Variants in ADA observed in about 807,000 individuals in gnomAD.
The protein encoded by ADA is adenosine deaminase, also known as adenosine aminohydrolase.
In ADA, 45 loss-of-function variants were observed where a neutral mutation model predicts 49.0. The ratio of observed to expected loss-of-function variants is 0.92; its 90% CI spans 0.72 to 1.18. ADA has a LOEUF of 1.18. Among genes scored for constraint, ADA ranks in the 50% most tolerant of loss-of-function variants. The pLI, the probability that ADA is intolerant of heterozygous loss-of-function variation, is 0.00. For synonymous variants in ADA, 173 were observed against 184.2 expected (o/e 0.94, Z 0.49); for missense variants, 445 against 472.5 (o/e 0.94, Z 0.54).
At chr20:44,643,039 A>G (rs1359619673) in intron 1 of ADA, among the ~76,000 whole-genome samples, 2 of 152,170 alleles carry the variant, frequency 1.3e-5, no homozygotes, top group African/African-American at 4.8e-5. Context: ...AGGTGGCTCA[A>G]GCTCAGGCAG....
chr20:44,626,087 A>G (rs2065379826), intron 4 of ADA, among the ~76,000 whole-genome samples: 1 of 152,164 alleles, frequency 6.6e-6, no homozygotes, highest in South Asian at 2.1e-4. Context: ...GGCCAGACTC[A>G]CTTCAGTTAT....
chr20:44,645,849 C>T (rs1045266887), intron 1 of ADA, among the ~76,000 whole-genome samples: 2 of 152,168 alleles, frequency 1.3e-5, no homozygotes, highest in Non-Finnish European at 1.5e-5. Context: ...GAGAGCCTGA[C>T]CCCAGCTGGT....
chr20:44,625,117 C>T (rs2065369731), intron 5 of ADA, among the ~76,000 whole-genome samples: 1 of 152,208 alleles, frequency 6.6e-6, no homozygotes, highest in South Asian at 2.1e-4. Flanking sequence ...TGCCCAATAT[C>T]ACACAGTGAG....
At chr20:44,629,768 C>T (rs2065416795) in intron 2 of ADA, among the ~76,000 whole-genome samples, 2 of 152,204 alleles carry the variant, frequency 1.3e-5, no homozygotes, top group South Asian at 2.1e-4. Flanking sequence ...CCTCCCTGCC[C>T]ACAGCCGCCA....
chr20:44,620,894 G>T, intron 10 of ADA, 124 bp downstream of exon 10: 1 of 1,347,696 alleles, frequency 7.4e-7, no homozygotes, highest in Non-Finnish European at 1.1e-6. Context: ...TCTAGGTTGG[G>T]CTTGTCTTGG....
At position 44,626,615 on chromosome 20, in the gene ADA, A is replaced by C; in HGVS notation, c.219-16T>G. ...CCGGCAGCCCCTGGGAAGGGAAGAA[A>C]GGGGTTGGGAACAACCTTCCCCAAG... On this transcript the variant is annotated splice_polypyrimidine_tract_variant and intron_variant, in intron 3 of 11. Coordinates refer to ENST00000372874, the MANE Select transcript of ADA (RefSeq NM_000022.4). 3 of 1,613,760 alleles carry C rather than the reference A, an allele frequency of 1.9e-6. No individual in the cohort carries two copies. Among genetic ancestry groups the C allele is most frequent in the Middle Eastern group, 3.4e-4 (2 of 5,922 alleles).
intron 1 of ADA, among the ~76,000 whole-genome samples, chr20:44,636,646 A>G (rs987796635): frequency 1.3e-5 from 2 of 152,154 alleles, no homozygotes; most frequent in Non-Finnish European, 2.9e-5. Flanking sequence ...GCAGAGGCGG[A>G]ATTCTAACCC....
intron 1 of ADA, among the ~76,000 whole-genome samples, chr20:44,645,378 A>T (rs1016742351): frequency 6.7e-6 from 1 of 148,980 alleles, no homozygotes; most frequent in Non-Finnish European, 1.5e-5. Context: ...AAAAAAAAAA[A>T]GTCACTGAAG....
At chr20:44,647,961 G>A (rs961882255) in intron 1 of ADA, among the ~76,000 whole-genome samples, 1 of 151,964 alleles carries the variant, frequency 6.6e-6, no homozygotes, top group African/African-American at 2.4e-5. Context: ...CAGGAGGATC[G>A]CATGAACCCA....
At chr20:44,635,005 C>T (rs1348774688) in intron 2 of ADA, among the ~76,000 whole-genome samples, 2 of 152,248 alleles carry the variant, frequency 1.3e-5, no homozygotes, top group African/African-American at 2.4e-5. Flanking sequence ...CAAGGAGCCC[C>T]TAGCTCCTAG....
At chr20:44,626,337 T>A in intron 4 of ADA, 119 bp downstream of exon 4, 1 of 1,432,542 alleles carries the variant, frequency 7.0e-7, no homozygotes, top group Non-Finnish European at 9.7e-7. Flanking sequence ...TGGACCAGAC[T>A]GGGGGCAAGA....
intron 10 of ADA, 55 bp from the exon 11 acceptor site, chr20:44,620,456 C>G (rs1287583871): frequency 1.4e-6 from 2 of 1,445,242 alleles, no homozygotes; most frequent in East Asian, 2.3e-5. Flanking sequence ...GAAGGCAGCT[C>G]TTAGCAATGT....
chr20:44,651,231 G>A (rs975497433), intron 1 of ADA, among the ~76,000 whole-genome samples: 3 of 152,180 alleles, frequency 2.0e-5, no homozygotes, highest in African/African-American at 4.8e-5. Context: ...GTAGACATCG[G>A]GCCTGATCAT....
chr20:44,639,795 C>T (rs897047068), intron 1 of ADA, among the ~76,000 whole-genome samples: 14 of 152,176 alleles, frequency 9.2e-5, no homozygotes, highest in African/African-American at 3.1e-4. Flanking sequence ...CTGAGAAGCC[C>T]AAGCTGGGAA....
At position 44,629,254 on chromosome 20, in the gene ADA, C is replaced by A. The variant is rs926342113; in HGVS notation, c.96-85G>T. The A allele has an allele frequency of 7.5e-6, 12 of 1,590,384 alleles. No individual in the cohort carries two copies. The African/African-American group carries it at 1.2e-4, about 16-fold the overall frequency. On this transcript the variant is annotated intron_variant, in intron 2 of 11. Coordinates refer to ENST00000372874, the MANE Select transcript of ADA (RefSeq NM_000022.4). ...GGCCAGGATGGAGCAGACTCAGGAGCGCCAGCCTCCTTGCAGGACCACAGC... is the reference window on the plus strand; with the variant it reads ...GGCCAGGATGGAGCAGACTCAGGAGAGCCAGCCTCCTTGCAGGACCACAGC...
intron 3 of ADA, among the ~76,000 whole-genome samples, chr20:44,628,443 C>T: frequency 6.6e-6 from 1 of 151,990 alleles, no homozygotes; most frequent in Non-Finnish European, 1.5e-5. Flanking sequence ...AGGAGAATCC[C>T]TTAAACTGGG....
At position 44,624,201 on chromosome 20, in the gene ADA, C is replaced by T; in HGVS notation, c.606+1G>A. 2 of 1,610,296 alleles carry T rather than the reference C, an allele frequency of 1.2e-6. No homozygotes were observed. Among genetic ancestry groups the T allele is most frequent in the Non-Finnish European group, 1.7e-6 (2 of 1,178,224 alleles). On this transcript the variant is annotated splice_donor_variant, in intron 6 of 11. Coordinates refer to ENST00000372874, the MANE Select transcript of ADA (RefSeq NM_000022.4). LOFTEE classifies it high-confidence loss of function. ...TCTCCATTCCTTCTCACAGGACCCA[C>T]CTGGTAGGCCTGGACATGTCCAGGC...
intron 1 of ADA, among the ~76,000 whole-genome samples, chr20:44,643,792 C>T (rs117088905): frequency 0.016 from 2,471 of 152,328 alleles, 36 homozygotes; most frequent in Non-Finnish European, 0.025. Flanking sequence ...AGCAGGAAAT[C>T]CTCCCAGCGC....
At chr20:44,627,711 T>C (rs1441896161) in intron 3 of ADA, among the ~76,000 whole-genome samples, 2 of 152,142 alleles carry the variant, frequency 1.3e-5, no homozygotes, top group Non-Finnish European at 2.9e-5. Context: ...TTGTTGGTGA[T>C]GGAGTTAAGG....
Sources: gnomAD v4.1 joint callset for allele counts (sites outside exome capture counted in the v4.1 genomes callset) on GRCh38, gnomAD v4.1.1 for gene constraint, MANE v1.5 for transcripts, NCBI Gene and HGNC (gene_info 2026-07-23, HGNC 2026-07-21) for gene names.